The following PROSER1 variants were observed in gnomAD, a reference collection of about 807,000 sequenced individuals.
The protein encoded by PROSER1 is proline and serine rich 1.
A neutral mutation model predicts 71.8 loss-of-function variants in PROSER1; 36 were observed. That is an observed-to-expected ratio of 0.50 (90% confidence interval 0.38 to 0.66). The LOEUF (loss-of-function observed/expected upper bound fraction) is 0.66. Among genes scored for constraint, PROSER1 ranks in the 30% least tolerant of loss-of-function variants. The pLI is 0.00. For synonymous variants in PROSER1, 490 were observed against 452.4 expected, an observed-to-expected ratio of 1.08 and a Z score of -1.06; for missense variants, 1,107 against 1,135.0, an observed-to-expected ratio of 0.98 and a Z score of 0.35.
At chr13:39,025,210 T>A (rs992086447) in intron 6 of PROSER1, among the ~76,000 whole-genome samples, 1 of 152,182 alleles carries the variant, frequency 6.6e-6, no homozygotes, top group Non-Finnish European at 1.5e-5. Context: ...TGATTATTTA[T>A]ATTGTCAAGG....
At chr13:39,033,156 G>A (rs1870938361) in intron 2 of PROSER1, among the ~76,000 whole-genome samples, 2 of 152,190 alleles carry the variant, frequency 1.3e-5, no homozygotes, top group Non-Finnish European at 2.9e-5. Context: ...CTGACCTCAA[G>A]TGATCCGCCT....
chr13:39,037,755 C>G lies in PROSER1; in HGVS notation c.-513G>C, dbSNP rs531426739. The G allele has an allele frequency of 6.6e-6, 1 of 152,518 alleles. No individual in the cohort carries two copies. The highest frequency in any genetic ancestry group is 1.5e-5 in the Non-Finnish European group (1 of 68,312). 9.4% of individuals were successfully genotyped at this position (152,518 alleles called of 1,614,324 possible). Reference sequence around the variant, plus strand: ...GGCCGCCGGCCGCGACCCTCACCGCCGCGAACCCGGACGCATGGTCCGGCT... The same window carrying G: ...GGCCGCCGGCCGCGACCCTCACCGCGGCGAACCCGGACGCATGGTCCGGCT... On this transcript the variant is annotated 5_prime_UTR_variant, in exon 1 of 13. Coordinates refer to ENST00000352251, the MANE Select transcript of PROSER1 (RefSeq NM_025138.5).
chr13:39,022,538 A>T, intron 8 of PROSER1, 126 bp from the exon 9 acceptor site: 1 of 630,356 alleles, frequency 1.6e-6, no homozygotes. Flanking sequence ...CTCCTATTTA[A>T]TACAGTTGAT....
intron 5 of PROSER1, among the ~76,000 whole-genome samples, 183 bp downstream of exon 5, chr13:39,028,044 C>T (rs1184091206): frequency 6.6e-6 from 1 of 152,146 alleles, no homozygotes; most frequent in Non-Finnish European, 1.5e-5. Flanking sequence ...TCTCCTCCCC[C>T]TTGAATGTCC....
At chr13:39,032,624 GTATT>G (rs1870901719) in intron 2 of PROSER1, among the ~76,000 whole-genome samples, 1 of 151,990 alleles carries the variant, frequency 6.6e-6, no homozygotes, top group African/African-American at 2.4e-5. Flanking sequence ...TAGCAAATAA[GTATT>G]ATGTATACTT....
At chr13:39,029,103 T>TATAGTC (rs1870688471) in intron 4 of PROSER1, 178 bp downstream of exon 4, 1 of 422,664 alleles carries the variant, frequency 2.4e-6, no homozygotes, top group Non-Finnish European at 4.1e-6. Context: ...TTTTATAAGT[T>TATAGTC]ATAGTCATAT....
chr13:39,024,694 C>T lies in PROSER1; in HGVS notation c.481-138G>A, dbSNP rs1445011860. 3 of 634,058 alleles carry T rather than the reference C, an allele frequency of 4.7e-6. No individual in the cohort carries two copies. The East Asian group carries it at 8.2e-5, about 17-fold the overall frequency. The allele number at this position is 634,058 out of a possible 1,614,324, so 39.3% of individuals were successfully genotyped here. ...AAAGACTTGCATTCCCATTTCAGTT[C>T]TGCACTGGCTGGCGGCATGACCCTG... On this transcript the variant is annotated intron_variant, in intron 6 of 12. Coordinates refer to ENST00000352251, the MANE Select transcript of PROSER1 (RefSeq NM_025138.5).
chr13:39,018,496 AC>A (rs779809243), intron 9 of PROSER1, among the ~76,000 whole-genome samples: 9,399 of 116,916 alleles, frequency 0.08, 518 homozygotes, highest in African/African-American at 0.2. Context: ...ACACACACAC[AC>A]ACACACACAC....
rs1432842727 is a variant in PROSER1, at chr13:39,014,304, G to T, written c.948C>A (p.Phe316Leu). 3.7e-6 allele frequency: 6 copies of T among 1,614,028 alleles called. No homozygotes were observed. Among genetic ancestry groups the T allele is most frequent in the Non-Finnish European group, 5.1e-6 (6 of 1,180,028 alleles). Residue 316 changes from phenylalanine (F) to leucine (L), a missense_variant, in exon 11 of 13, where the codon TTC becomes TTA. Transcript: ENST00000352251. ...MNLLNTVLPVFPGQVSSAVHT... is the reference protein window; with the variant it reads ...MNLLNTVLPVLPGQVSSAVHT... ...GAACGGCTGAGGAGACCTGCCCTGG[G>T]AACACAGGAAGGACAGTATTCAGCA... is the stretch of plus-strand genomic sequence containing the variant.
At chr13:39,033,816 TA>T (rs1230599424) in intron 2 of PROSER1, among the ~76,000 whole-genome samples, 3 of 152,240 alleles carry the variant, frequency 2.0e-5, no homozygotes, top group African/African-American at 7.2e-5. Flanking sequence ...CATGTAACTA[TA>T]AAAATTTGGG....
chr13:39,022,611 T>G (rs1467912054), intron 8 of PROSER1, 199 bp from the exon 9 acceptor site: 1 of 516,450 alleles, frequency 1.9e-6, no homozygotes, highest in African/African-American at 1.9e-5. Flanking sequence ...CAACCAGAGA[T>G]TCCTATTTCC....
In PROSER1 at chr13:39,013,302, G is replaced by C. The variant is rs1216200553; in HGVS notation, c.1950C>G (p.Ile650Met). ...CAGGATTAAGGCAAGCAGATAAACT[G>C]ATGGGCACGGATGTTGAAGTATATG... ...GRAYTSTSVP[I>M]SLSACLNPAL... is the part of the protein sequence containing the mutation. The change falls in exon 11 of 13, where the codon ATC becomes ATG. Residue 650 changes from isoleucine to methionine, a missense_variant. Physicochemically the swap from Ile to Met is conservative, Grantham distance 10. Transcript: ENST00000352251. The C allele has an allele frequency of 6.2e-7, 1 of 1,614,158 alleles. No homozygotes were observed. Among genetic ancestry groups the C allele is most frequent in the South Asian group, 1.1e-5 (1 of 91,082 alleles).
At chr13:39,011,661 T>G (rs1275062152) in intron 12 of PROSER1, among the ~76,000 whole-genome samples, 174 bp from the exon 13 acceptor site, 1 of 152,226 alleles carries the variant, frequency 6.6e-6, no homozygotes, top group East Asian at 1.9e-4. Context: ...ATGTTCAAAT[T>G]TCTTCAGGTG....
Position 39,024,788 on chromosome 13 carries a change from T to C in PROSER1, c.481-232A>G, listed in dbSNP as rs140507965. ...ATGCAAAGGTACTCAGAAGTGAACA[T>C]GAAAAACACAGAGAGGATGACAGGA... is the stretch of plus-strand genomic sequence containing the variant. On this transcript the variant is annotated intron_variant, in intron 6 of 12. Coordinates refer to ENST00000352251, the MANE Select transcript of PROSER1 (RefSeq NM_025138.5). Among the ~76,000 whole-genome samples, 76 of 152,124 alleles carry C rather than the reference T, an allele frequency of 5.0e-4. No individual in the cohort carries two copies. In the East Asian group the frequency reaches 0.011, roughly 22 times the overall value.
intron 1 of PROSER1, among the ~76,000 whole-genome samples, chr13:39,034,565 T>C (rs962425888): frequency 3.3e-5 from 5 of 152,202 alleles, no homozygotes; most frequent in African/African-American, 1.2e-4. Flanking sequence ...TTTTTAAGAT[T>C]AAACATATCA....
intron 3 of PROSER1, among the ~76,000 whole-genome samples, chr13:39,029,883 C>CT (rs1374085663): frequency 1.3e-5 from 2 of 152,078 alleles, no homozygotes; most frequent in Non-Finnish European, 2.9e-5. Context: ...TACTGCAGAA[C>CT]TTTAAGTCTT....
In PROSER1 at chr13:39,013,228, G is replaced by A. The variant is rs1454945596; in HGVS notation, c.2024C>T (p.Pro675Leu). The change falls in exon 11 of 13, where the codon CCT becomes CTT. Residue 675 changes from proline (P) to leucine (L), a missense_variant. Coordinates refer to ENST00000352251, the MANE Select transcript of PROSER1 (RefSeq NM_025138.5). ...TGGTGGAAGGGAAATAGAGGAAAGA[G>A]GATTTGAACCATTTAAAGGAGTACT... ...SLSTPLNGSN[P>L]LSSISLPPHG... 2.1e-5 allele frequency: 34 copies of A among 1,613,978 alleles called. No homozygotes were observed. Among genetic ancestry groups the A allele is most frequent in the Non-Finnish European group, 2.9e-5 (34 of 1,180,024 alleles).
At chr13:39,017,595 C>T in intron 9 of PROSER1, 51 bp from the exon 10 acceptor site, 1 of 963,840 alleles carries the variant, frequency 1.0e-6, no homozygotes, top group Admixed American at 2.4e-5. Flanking sequence ...AAATATTTGC[C>T]ACCATAATAA....
chr13:39,035,546 G>A (rs181256480), intron 1 of PROSER1, among the ~76,000 whole-genome samples: 1 of 152,298 alleles, frequency 6.6e-6, no homozygotes, highest in Non-Finnish European at 1.5e-5. Context: ...TTAAAAACAG[G>A]CTCACAAAGT....
Sources: gnomAD v4.1 joint callset for allele counts (sites outside exome capture counted in the v4.1 genomes callset) on GRCh38, gnomAD v4.1.1 for gene constraint, MANE v1.5 for transcripts, NCBI Gene and HGNC (gene_info 2026-07-23, HGNC 2026-07-21) for gene names.